AVL9: variants seen among roughly 807,000 people sequenced by gnomAD.
AVL9 encodes the protein AVL9 cell migration associated.
AVL9 carries 49 observed loss-of-function variants against 79.2 expected under a neutral mutation model. That is an observed-to-expected ratio of 0.62 (90% CI 0.49 to 0.79). The LOEUF is 0.79. AVL9 is among the 30% of genes least tolerant of loss of function. AVL9 has a pLI of 0.00. For missense variants in AVL9, 682 were observed against 776.8 expected (o/e 0.88, Z 1.45); for synonymous variants, 299 against 280.6 (o/e 1.07, Z -0.65).
intron 1 of AVL9, among the ~76,000 whole-genome samples, chr7:32,498,287 A>G (rs570720050): frequency 1.7e-5 from 2 of 115,246 alleles, no homozygotes; most frequent in South Asian, 5.8e-4. Flanking sequence ...TCTGTCACCC[A>G]GGCTGGAGTT....
intron 10 of AVL9, among the ~76,000 whole-genome samples, chr7:32,567,043 A>G (rs565070672): frequency 3.3e-5 from 5 of 152,176 alleles, no homozygotes; most frequent in Non-Finnish European, 7.3e-5. Flanking sequence ...AAAATACACA[A>G]TTGCCTCCCC....
intron 1 of AVL9, among the ~76,000 whole-genome samples, chr7:32,530,009 A>G (rs1275043374): frequency 1.3e-5 from 2 of 152,226 alleles, no homozygotes; most frequent in Admixed American, 6.5e-5. Context: ...TGATTGATTT[A>G]TCCCTTATCC....
chr7:32,557,863 T>TG (rs56264335), intron 8 of AVL9, among the ~76,000 whole-genome samples: 88,710 of 148,048 alleles, frequency 0.6, 27,608 homozygotes, highest in Admixed American at 0.7. Context: ...CTTTTTTTTT[T>TG]TTTTTTTTTT....
intron 1 of AVL9, chr7:32,537,580 A>G (rs1243847968): frequency 6.7e-6 from 1 of 148,760 alleles, no homozygotes; most frequent in Non-Finnish European, 1.5e-5. Flanking sequence ...CTCCTGCCTC[A>G]GCCTCCTGAG....
chr7:32,570,069 C>G lies in AVL9; in HGVS notation c.1265C>G (p.Ser422Cys), dbSNP rs1255884588. 1 of 1,614,088 alleles carries G rather than the reference C, an allele frequency of 6.2e-7. No homozygotes were observed. Among genetic ancestry groups the G allele is most frequent in the African/African-American group, 1.3e-5 (1 of 74,932 alleles). The change falls in exon 11 of 16, where the codon TCC becomes TGC. Residue 422 changes from serine to cysteine, a missense_variant. Transcript: ENST00000318709. ...GCATTGCAGCAGCATCATCTTCTCT[C>G]CGATGTCACCGTTCGGGGGTTTGTT... ...YMALQQHHLL[S>C]DVTVRGFVAG...
At chr7:32,568,663 T>C (rs1235329620) in intron 10 of AVL9, among the ~76,000 whole-genome samples, 2 of 152,200 alleles carry the variant, frequency 1.3e-5, no homozygotes, top group Admixed American at 6.5e-5. Flanking sequence ...ATAATATTTG[T>C]AGGATACTGT....
intron 13 of AVL9, among the ~76,000 whole-genome samples, chr7:32,579,194 G>A (rs1791235975): frequency 1.4e-5 from 2 of 144,504 alleles, no homozygotes; most frequent in African/African-American, 5.2e-5. Flanking sequence ...GATAAGAATT[G>A]GATATTTATT....
At position 32,583,870 on chromosome 7, in the gene AVL9, C is replaced by A; in HGVS notation, c.1910C>A (p.Ser637Tyr). The change falls in exon 16 of 16, where the codon TCC becomes TAC. Residue 637 changes from serine to tyrosine, a missense_variant. Physicochemically the swap from Ser to Tyr is moderately radical, Grantham distance 144. Transcript: ENST00000318709. ...SWLSTFTTST[S>Y]QSLTEPPDEK... ...CTTTCCACTTTCACCACTTCCACCT[C>A]CCAAAGTCTCACTGAGCCACCAGAT... 6.2e-7 allele frequency: 1 copy of A among 1,614,068 alleles called. No homozygotes were observed. The highest frequency in any genetic ancestry group is 8.5e-7 in the Non-Finnish European group (1 of 1,179,978).
At chr7:32,538,013 A>C (rs1035072177) in intron 1 of AVL9, 1 of 152,188 alleles carries the variant, frequency 6.6e-6, no homozygotes, top group Non-Finnish European at 1.5e-5. Flanking sequence ...AACAGCCTTA[A>C]TTTTACCCAT....
chr7:32,530,414 A>G (rs1486684868), intron 1 of AVL9, among the ~76,000 whole-genome samples: 1 of 152,226 alleles, frequency 6.6e-6, no homozygotes, highest in East Asian at 1.9e-4. Flanking sequence ...TATTAATGCC[A>G]TATCTGAGGG....
intron 3 of AVL9, among the ~76,000 whole-genome samples, chr7:32,548,144 C>CTGTCTT (rs1227025763): frequency 1.7e-5 from 1 of 57,598 alleles, no homozygotes; most frequent in African/African-American, 5.4e-5. Context: ...TTTGTCATCT[C>CTGTCTT]TTTTTTCTTT....
At chr7:32,544,110 T>C (rs1229444306) in intron 2 of AVL9, among the ~76,000 whole-genome samples, 4 of 152,158 alleles carry the variant, frequency 2.6e-5, no homozygotes, top group African/African-American at 9.7e-5. Context: ...ATTAAGATTA[T>C]AGCAAATGTT....
In AVL9 at chr7:32,520,418, A is replaced by T. The variant is rs73689735; in HGVS notation, c.94-22723A>T. Among the ~76,000 whole-genome samples, 350 of 152,334 alleles carry T rather than the reference A, an allele frequency of 2.3e-3. 1 individual carries two copies. Among genetic ancestry groups the T allele is most frequent in the African/African-American group, 7.9e-3 (330 of 41,566 alleles). ...ATGCACGACCCACAGCTCACTATTG[A>T]ACAATCCCTGATGAGTATATGTGAT... is the stretch of plus-strand genomic sequence containing the variant. On this transcript the variant is annotated intron_variant, in intron 1 of 15. Coordinates refer to ENST00000318709, the MANE Select transcript of AVL9 (RefSeq NM_015060.3).
At chr7:32,557,066 A>C (rs1197765728) in intron 8 of AVL9, among the ~76,000 whole-genome samples, 1 of 152,208 alleles carries the variant, frequency 6.6e-6, no homozygotes, top group African/African-American at 2.4e-5. Context: ...AAGAAAAAGA[A>C]AATATTCCTA....
chr7:32,535,243 T>C (rs1441702554), intron 1 of AVL9: 1 of 152,182 alleles, frequency 6.6e-6, no homozygotes, highest in East Asian at 1.9e-4. Flanking sequence ...GAAATGTAAA[T>C]AAAATCTTTG....
rs191749093 is a variant in AVL9, at chr7:32,522,049, A to G, written c.94-21092A>G. 4.5e-3 allele frequency among the ~76,000 whole-genome samples: 682 copies of G among 152,332 alleles called. 21 individuals carry two copies. The highest frequency in any genetic ancestry group is 0.04 in the Admixed American group (613 of 15,300). ...TCTACCTAGATTTCAGATGTATGGA[A>G]ATGTCTAGATGCCCAGGCAAAAGTT... On this transcript the variant is annotated intron_variant, in intron 1 of 15. Transcript: ENST00000318709.
At chr7:32,553,221 CTG>C (rs201453062) in intron 6 of AVL9, among the ~76,000 whole-genome samples, 1,818 of 152,228 alleles carry the variant, frequency 0.012, 39 homozygotes, top group African/African-American at 0.04. Flanking sequence ...AGGTGATAGA[CTG>C]TGTTTCAGAA....
At chr7:32,502,612 C>T (rs990392804) in intron 1 of AVL9, among the ~76,000 whole-genome samples, 2 of 152,070 alleles carry the variant, frequency 1.3e-5, no homozygotes, top group African/African-American at 2.4e-5. Flanking sequence ...TTTTGAATAG[C>T]GCTGCAAAGA....
In AVL9 at chr7:32,576,007, G is replaced by C; in HGVS notation, c.1623G>C (p.Lys541Asn). Residue 541 changes from lysine to asparagine, a missense_variant, in exon 13 of 16, where the codon AAG becomes AAC. By Grantham distance (94) the Lys-to-Asn change is moderately conservative (BLOSUM62 0). Transcript: ENST00000318709. ...GGACAACTTTTGTTACAGCATGGAAGAATACTCACAACTACAGGGTGTGGA... is the reference window on the plus strand; with the variant it reads ...GGACAACTTTTGTTACAGCATGGAACAATACTCACAACTACAGGGTGTGGA... ...DYGTTFVTAW[K>N]NTHNYRVWNS... 6.2e-7 allele frequency: 1 copy of C among 1,614,076 alleles called. No individual in the cohort carries two copies. Among genetic ancestry groups the C allele is most frequent in the Non-Finnish European group, 8.5e-7 (1 of 1,179,964 alleles).
Sources: gnomAD v4.1 joint callset for allele counts (sites outside exome capture counted in the v4.1 genomes callset) on GRCh38, gnomAD v4.1.1 for gene constraint, MANE v1.5 for transcripts, NCBI Gene and HGNC (gene_info 2026-07-23, HGNC 2026-07-21) for gene names.